The following MED13L variants were observed in gnomAD, a reference collection of about 807,000 sequenced individuals.
MED13L encodes mediator complex subunit 13L.
MED13L carries 7 observed loss-of-function variants against 220.9 expected under a neutral mutation model. The ratio of observed to expected loss-of-function variants is 0.03; its 90% confidence interval spans 0.02 to 0.06. The LOEUF is 0.06. Ranked by LOEUF, MED13L falls within the 10% of genes least tolerant of loss-of-function variation. MED13L has a pLI of 1.00. For missense variants in MED13L, 1,965 were observed against 2,760.5 expected (o/e 0.71, Z 6.46); for synonymous variants, 1,011 against 1,015.2 (o/e 1.00, Z 0.08).
At chr12:116,252,495 C>T (rs1191141665) in intron 1 of MED13L, among the ~76,000 whole-genome samples, 1 of 152,048 alleles carries the variant, frequency 6.6e-6, no homozygotes, top group South Asian at 2.1e-4. Context: ...GCTGTGATTG[C>T]TCCACTGCAC....
At chr12:116,263,059 G>T (rs1872615600) in intron 1 of MED13L, among the ~76,000 whole-genome samples, 1 of 152,104 alleles carries the variant, frequency 6.6e-6, no homozygotes, top group South Asian at 2.1e-4. Flanking sequence ...AAATATTTGT[G>T]CTCTTTAGTT....
chr12:116,166,456 C>G (rs893799415), intron 2 of MED13L, among the ~76,000 whole-genome samples: 6 of 151,936 alleles, frequency 3.9e-5, no homozygotes, highest in Admixed American at 1.3e-4. Context: ...CAGGCGCTGG[C>G]CCGTGTAGTC....
intron 5 of MED13L, among the ~76,000 whole-genome samples, chr12:116,021,294 T>C (rs1019747161): frequency 6.6e-6 from 1 of 152,182 alleles, no homozygotes. Flanking sequence ...ATAAGTTCTC[T>C]TCCCTCATGA....
intron 14 of MED13L, among the ~76,000 whole-genome samples, chr12:115,998,102 G>C (rs1353427654): frequency 6.6e-6 from 1 of 152,036 alleles, no homozygotes; most frequent in East Asian, 1.9e-4. Context: ...GAAATACTTA[G>C]AACAGCGGTT....
At chr12:116,276,520 C>T (rs1346801217) in intron 1 of MED13L, 2 of 1,283,372 alleles carry the variant, frequency 1.6e-6, no homozygotes, top group Non-Finnish European at 2.0e-6. Flanking sequence ...ATCGCGGGAG[C>T]TTCGGGTGCA....
chr12:115,967,423 C>T (rs1876259909), intron 28 of MED13L, among the ~76,000 whole-genome samples: 1 of 152,090 alleles, frequency 6.6e-6, no homozygotes. Context: ...AAAAGGCCAC[C>T]TGGCTAGCTT....
intron 2 of MED13L, among the ~76,000 whole-genome samples, chr12:116,209,468 AC>A (rs1222675221): frequency 6.6e-6 from 1 of 152,210 alleles, no homozygotes; most frequent in Non-Finnish European, 1.5e-5. Flanking sequence ...GATGACTATT[AC>A]AACTGTGACA....
intron 1 of MED13L, chr12:116,276,500 G>A: frequency 7.8e-7 from 1 of 1,287,160 alleles, no homozygotes; most frequent in Non-Finnish European, 1.0e-6. Flanking sequence ...GGCGGCTGTC[G>A]ATGTTTACAA....
At chr12:115,977,976 A>C (rs1021845770) in intron 23 of MED13L, among the ~76,000 whole-genome samples, 5 of 152,152 alleles carry the variant, frequency 3.3e-5, no homozygotes, top group African/African-American at 1.2e-4. Context: ...ACCCTGGGTG[A>C]CAGAGCGAGA....
chr12:116,050,701 C>T (rs1366009058), intron 4 of MED13L, among the ~76,000 whole-genome samples: 1 of 152,010 alleles, frequency 6.6e-6, no homozygotes, highest in Non-Finnish European at 1.5e-5. Flanking sequence ...CTTTGGGAGG[C>T]CAAGGAGGGT....
chr12:116,036,846 C>T (rs533191114), intron 4 of MED13L, among the ~76,000 whole-genome samples: 11 of 152,128 alleles, frequency 7.2e-5, no homozygotes, highest in African/African-American at 1.4e-4. Flanking sequence ...TTTCTTTTAT[C>T]GGACAGGCCT....
chr12:116,037,106 C>T (rs1881238203), intron 4 of MED13L, among the ~76,000 whole-genome samples: 1 of 152,150 alleles, frequency 6.6e-6, no homozygotes. Context: ...AATAATCACC[C>T]TCCTGAGAAA....
intron 1 of MED13L, among the ~76,000 whole-genome samples, chr12:116,270,442 G>A (rs1328669453): frequency 6.6e-6 from 1 of 152,110 alleles, no homozygotes; most frequent in Non-Finnish European, 1.5e-5. Context: ...ACCACGCCCA[G>A]CTAGATAATC....
At chr12:116,158,894 G>A (rs1403432340) in intron 2 of MED13L, among the ~76,000 whole-genome samples, 2 of 152,138 alleles carry the variant, frequency 1.3e-5, no homozygotes, top group East Asian at 1.9e-4. Flanking sequence ...CGTGACTAGT[G>A]AGCAGTTCAA....
In MED13L at chr12:115,980,741, A is replaced by T; in HGVS notation, c.5364+9T>A. 1 of 1,613,944 alleles carries T rather than the reference A, an allele frequency of 6.2e-7. No individual in the cohort carries two copies. On this transcript the variant is annotated intron_variant, in intron 23 of 30. Coordinates refer to ENST00000281928, the MANE Select transcript of MED13L (RefSeq NM_015335.5). ...AAATTTTCTAAGTTTCTGTCCTGCC[A>T]ATACCTACCTCAGGGTTCTTGAGGG... is the stretch of plus-strand genomic sequence containing the variant.
Position 116,227,344 on chromosome 12 carries a change from T to C in MED13L, c.310+10124A>G, listed in dbSNP as rs539048272. On this transcript the variant is annotated intron_variant, in intron 2 of 30. Coordinates refer to ENST00000281928, the MANE Select transcript of MED13L (RefSeq NM_015335.5). ...GCTTATCAACTACCTCAATAAGATA[T>C]AGGAATATCTCATTTTATTGCATTT... Among the ~76,000 whole-genome samples, 14 of 152,306 alleles carry C rather than the reference T, an allele frequency of 9.2e-5. No homozygotes were observed. The East Asian group carries it at 1.2e-3, about 13-fold the overall frequency.
chr12:115,996,938 T>C (rs1878444059), intron 15 of MED13L, 72 bp downstream of exon 15: 1 of 1,468,568 alleles, frequency 6.8e-7, no homozygotes, highest in African/African-American at 1.4e-5. Flanking sequence ...GACAATACCA[T>C]TTTAAAGCAG....
At chr12:116,240,603 G>A (rs1417584391) in intron 1 of MED13L, among the ~76,000 whole-genome samples, 1 of 151,596 alleles carries the variant, frequency 6.6e-6, no homozygotes, top group Non-Finnish European at 1.5e-5. Flanking sequence ...CGCGATCTCG[G>A]CTCACAGCAA....
chr12:116,205,050 T>C (rs1323634080), intron 2 of MED13L, among the ~76,000 whole-genome samples: 6 of 152,152 alleles, frequency 3.9e-5, no homozygotes, highest in African/African-American at 1.4e-4. Flanking sequence ...GCCTCCTACT[T>C]ACTCAACTAC....
Sources: gnomAD v4.1 joint callset for allele counts (sites outside exome capture counted in the v4.1 genomes callset) on GRCh38, gnomAD v4.1.1 for gene constraint, MANE v1.5 for transcripts, NCBI Gene and HGNC (gene_info 2026-07-23, HGNC 2026-07-21) for gene names.